The following ANGPT1 variants were observed in gnomAD, a reference collection of about 807,000 sequenced individuals.
ANGPT1 encodes angiopoietin-1.
A neutral mutation model predicts 62.2 loss-of-function variants in ANGPT1; 17 were observed. The observed-to-expected ratio is 0.27, with a 90% CI of 0.19 to 0.41. ANGPT1 has a LOEUF of 0.41. Among genes scored for constraint, ANGPT1 ranks in the 10% least tolerant of loss-of-function variants. The pLI, the probability that ANGPT1 is intolerant of heterozygous loss-of-function variation, is 1.00. For missense variants in ANGPT1, 478 were observed against 594.9 expected, an observed-to-expected ratio of 0.80 and a Z score of 2.04; for synonymous variants, 199 against 198.9, an observed-to-expected ratio of 1.00 and a Z score of 0.00.
chr8:107,412,347 T>C (rs903957925), intron 1 of ANGPT1, among the ~76,000 whole-genome samples: 16 of 152,226 alleles, frequency 1.1e-4, no homozygotes, highest in African/African-American at 3.6e-4. Flanking sequence ...TTCTCTTGAA[T>C]CATGGGCTTC....
intron 1 of ANGPT1, among the ~76,000 whole-genome samples, chr8:107,427,082 T>C (rs1488617620): frequency 6.6e-6 from 1 of 152,236 alleles, no homozygotes; most frequent in Non-Finnish European, 1.5e-5. Context: ...CCACACTCTG[T>C]TCCCCATGCA....
intron 1 of ANGPT1, among the ~76,000 whole-genome samples, chr8:107,478,669 A>G (rs1812597610): frequency 6.6e-6 from 1 of 152,186 alleles, no homozygotes; most frequent in African/African-American, 2.4e-5. Flanking sequence ...TCCATTAAAA[A>G]TTATTCATTG....
chr8:107,373,323 A>T (rs1171346504), intron 1 of ANGPT1, among the ~76,000 whole-genome samples: 2 of 152,042 alleles, frequency 1.3e-5, no homozygotes, highest in Admixed American at 6.6e-5. Context: ...TGAAGAAAAC[A>T]TACAAATTTT....
intron 1 of ANGPT1, among the ~76,000 whole-genome samples, chr8:107,382,323 T>C (rs1654726): frequency 0.48 from 72,933 of 151,918 alleles, 19,234 homozygotes; most frequent in Non-Finnish European, 0.59. Context: ...ATTACAAAAA[T>C]GCAGAATATT....
intron 1 of ANGPT1, among the ~76,000 whole-genome samples, chr8:107,374,951 G>C (rs993431815): frequency 1.3e-5 from 2 of 152,180 alleles, no homozygotes; most frequent in African/African-American, 2.4e-5. Context: ...CACGAGGTCA[G>C]GAGATTCAGA....
chr8:107,380,387 GTCC>G (rs1816613067), intron 1 of ANGPT1, among the ~76,000 whole-genome samples: 1 of 147,022 alleles, frequency 6.8e-6, no homozygotes, highest in Non-Finnish European at 1.5e-5. Context: ...GTGTGTGTGT[GTCC>G]TGCACAAAAA....
At chr8:107,445,325 G>C (rs553902498) in intron 1 of ANGPT1, among the ~76,000 whole-genome samples, 1 of 152,162 alleles carries the variant, frequency 6.6e-6, no homozygotes, top group South Asian at 2.1e-4. Flanking sequence ...GGATGCAATG[G>C]GGAGGGAGAA....
At chr8:107,259,126 T>C (rs1424076882) in intron 8 of ANGPT1, among the ~76,000 whole-genome samples, 1 of 152,162 alleles carries the variant, frequency 6.6e-6, no homozygotes, top group African/African-American at 2.4e-5. Context: ...GCAATGTAGA[T>C]TTCTATAGTC....
intron 1 of ANGPT1, among the ~76,000 whole-genome samples, chr8:107,356,705 T>C (rs2130190067): frequency 6.6e-6 from 1 of 152,354 alleles, no homozygotes; most frequent in Non-Finnish European, 1.5e-5. Flanking sequence ...GGAGCTGTGC[T>C]TGCTTAGGCA....
intron 1 of ANGPT1, among the ~76,000 whole-genome samples, chr8:107,385,214 C>T (rs61611544): frequency 0.029 from 4,377 of 152,036 alleles, 205 homozygotes; most frequent in African/African-American, 0.1. Context: ...CGGTAAATTG[C>T]TTTTTGTAGT....
chr8:107,489,003 G>T (rs1014527349), intron 1 of ANGPT1, among the ~76,000 whole-genome samples: 1 of 152,062 alleles, frequency 6.6e-6, no homozygotes, highest in Admixed American at 6.6e-5. Context: ...AATCTTGAAG[G>T]GTCAAGCATT....
intron 2 of ANGPT1, among the ~76,000 whole-genome samples, chr8:107,339,709 C>A (rs1005682772): frequency 6.6e-6 from 1 of 152,188 alleles, no homozygotes; most frequent in South Asian, 2.1e-4. Flanking sequence ...AGCCTCCAGA[C>A]CCCCTGGGGG....
chr8:107,369,070 C>T (rs1418626658), intron 1 of ANGPT1, among the ~76,000 whole-genome samples: 1 of 152,118 alleles, frequency 6.6e-6, no homozygotes, highest in Non-Finnish European at 1.5e-5. Context: ...AAAGCATCTT[C>T]CTCAATATAA....
chr8:107,461,130 T>A (rs1044521727), intron 1 of ANGPT1, among the ~76,000 whole-genome samples: 1 of 152,144 alleles, frequency 6.6e-6, no homozygotes, highest in Admixed American at 6.6e-5. Flanking sequence ...ATTATCATAT[T>A]TGTCACTATC....
intron 6 of ANGPT1, among the ~76,000 whole-genome samples, chr8:107,291,898 G>T (rs943704346): frequency 2.1e-5 from 3 of 146,094 alleles, no homozygotes; most frequent in East Asian, 2.1e-4. Flanking sequence ...AGATGGGGGG[G>T]GGGGGGGGCT....
At chr8:107,307,187 C>T (rs1325955792) in intron 4 of ANGPT1, among the ~76,000 whole-genome samples, 1 of 152,046 alleles carries the variant, frequency 6.6e-6, no homozygotes, top group African/African-American at 2.4e-5. Context: ...CCTATCACTG[C>T]TTTCCGAGCC....
intron 2 of ANGPT1, among the ~76,000 whole-genome samples, chr8:107,340,634 G>T (rs1300333184): frequency 6.6e-6 from 1 of 151,584 alleles, no homozygotes; most frequent in Non-Finnish European, 1.5e-5. Flanking sequence ...TTGGGCTCCG[G>T]TGAGGTGTGC....
rs545225186 is a variant in ANGPT1 at position 107,441,763 on chromosome 8, C to A, written c.297+55499G>T. Among the ~76,000 whole-genome samples, 22 of 152,164 alleles carry A rather than the reference C, an allele frequency of 1.4e-4. No homozygotes were observed. In the East Asian group the frequency reaches 4.1e-3, roughly 28 times the overall value. The stretch of plus-strand genomic sequence containing the variant: ...TGTGGCTCTTATCTAACCCACACCC[C>A]TAATAGAAGTCAGGTCTTTGCAGAT... On this transcript the variant is annotated intron_variant, in intron 1 of 8. Coordinates refer to ENST00000517746, the MANE Select transcript of ANGPT1 (RefSeq NM_001146.5).
intron 1 of ANGPT1, among the ~76,000 whole-genome samples, chr8:107,413,641 A>G (rs973406721): frequency 6.7e-6 from 1 of 150,180 alleles, no homozygotes; most frequent in Non-Finnish European, 1.5e-5. Context: ...AAAATATTTA[A>G]TGTTGAAATA....
Sources: allele counts gnomAD v4.1 joint callset (sites outside exome capture counted in the v4.1 genomes callset), GRCh38; gene constraint gnomAD v4.1.1; transcripts MANE v1.5; gene names NCBI Gene and HGNC (gene_info 2026-07-23, HGNC 2026-07-21).